ATP11B: variants seen among roughly 807,000 people sequenced by gnomAD.
ATP11B encodes phospholipid-transporting ATPase IF.
In ATP11B, 81 loss-of-function variants were observed where a neutral mutation model predicts 157.8. That is an observed-to-expected ratio of 0.51 (90% CI 0.43 to 0.62). The LOEUF (loss-of-function observed/expected upper bound fraction) is 0.62, where lower values mean the gene tolerates loss of function less well. Among genes scored for constraint, ATP11B ranks in the 20% least tolerant of loss-of-function variants. ATP11B has a pLI of 0.00. For missense variants in ATP11B, 1,165 were observed against 1,402.2 expected, an observed-to-expected ratio of 0.83 and a Z score of 2.70; for synonymous variants, 451 against 469.4, an observed-to-expected ratio of 0.96 and a Z score of 0.51.
Position 182,865,484 on chromosome 3 carries a change from G to A in ATP11B, c.1229G>A (p.Gly410Asp), listed in dbSNP as rs1174040484. The change falls in exon 13 of 30, where the codon GGT (glycine) becomes GAT (aspartate). Residue 410 changes from glycine to aspartate, a missense_variant. Physicochemically the swap from Gly to Asp is moderately conservative, Grantham distance 94. Around this residue, in one of 4 missense-constraint regions of ATP11B, gnomAD observed 737 missense variants for 930.5 expected, o/e 0.79. Transcript: ENST00000323116. ...QVEYVFTDKT[G>D]TLTENEMQFR... is the part of the protein sequence containing the mutation. ...GAGTACGTGTTTACAGATAAAACTG[G>A]TACACTGACAGAAAATGAGATGCAG... 6.2e-7 allele frequency: 1 copy of A among 1,613,356 alleles called. No homozygotes were observed. The highest frequency in any genetic ancestry group is 1.3e-5 in the African/African-American group (1 of 74,952).
intron 7 of ATP11B, among the ~76,000 whole-genome samples, chr3:182,840,192 G>A (rs1213961025): frequency 1.3e-5 from 2 of 152,124 alleles, no homozygotes; most frequent in African/African-American, 4.8e-5. Flanking sequence ...ATAGTTCATT[G>A]CTTTCTCCTC....
At chr3:182,818,223 A>T (rs1560061900) in intron 1 of ATP11B, among the ~76,000 whole-genome samples, 1 of 152,200 alleles carries the variant, frequency 6.6e-6, no homozygotes, top group Non-Finnish European at 1.5e-5. Flanking sequence ...AATGCTCCAG[A>T]TACCTGTTTA....
chr3:182,912,596 G>A (rs1242991882), intron 28 of ATP11B, among the ~76,000 whole-genome samples: 1 of 152,190 alleles, frequency 6.6e-6, no homozygotes, highest in African/African-American at 2.4e-5. Flanking sequence ...CTAGGACACT[G>A]TCATCAGGCA....
chr3:182,911,948 A>G (rs1355101443), intron 28 of ATP11B, among the ~76,000 whole-genome samples: 1 of 152,148 alleles, frequency 6.6e-6, no homozygotes, highest in African/African-American at 2.4e-5. Flanking sequence ...AGGCCCCGAC[A>G]CGTTGCCCAC....
intron 1 of ATP11B, among the ~76,000 whole-genome samples, chr3:182,804,721 C>CT (rs1430558023): frequency 1.3e-5 from 2 of 152,118 alleles, no homozygotes; most frequent in Non-Finnish European, 2.9e-5. Context: ...TCACCACACT[C>CT]TAATTTTAGG....
In ATP11B at chr3:182,859,318, G is replaced by T; in HGVS notation, c.1159G>T (p.Ala387Ser). 1 of 1,609,508 alleles carries T rather than the reference G, an allele frequency of 6.2e-7. No individual in the cohort carries two copies. ...GTATCATGAAGAATCAGATCAGAAA[G>T]CTCAAGTCAATACTTCCGATCTGAA... The part of the protein sequence containing the change: ...DLYHEESDQK[A>S]QVNTSDLNEE... Residue 387 changes from alanine to serine, a missense_variant, in exon 12 of 30, where the codon GCT becomes TCT. Transcript: ENST00000323116.
chr3:182,902,482 T>G (rs1724033621), intron 28 of ATP11B: 1 of 1,288,692 alleles, frequency 7.8e-7, no homozygotes, highest in Non-Finnish European at 1.0e-6. Context: ...CACTTATAGA[T>G]GTACTCCAAC....
At chr3:182,860,435 A>C (rs577785145) in intron 12 of ATP11B, among the ~76,000 whole-genome samples, 2 of 152,264 alleles carry the variant, frequency 1.3e-5, no homozygotes, top group East Asian at 1.9e-4. Context: ...CTCCTTATGC[A>C]ATAGTTCTGA....
chr3:182,837,551 A>G (rs1718650117), intron 7 of ATP11B, among the ~76,000 whole-genome samples: 1 of 152,072 alleles, frequency 6.6e-6, no homozygotes, highest in South Asian at 2.1e-4. Flanking sequence ...TTTTACCACT[A>G]TAGAGGATAC....
intron 1 of ATP11B, among the ~76,000 whole-genome samples, chr3:182,813,774 C>T (rs1716811174): frequency 6.6e-6 from 1 of 152,048 alleles, no homozygotes; most frequent in Admixed American, 6.6e-5. Context: ...GTTGCCCAGG[C>T]TGGAGTGCAG....
Position 182,907,832 on chromosome 3 carries a change from G to A in ATP11B, c.3319-6029G>A, listed in dbSNP as rs1490871556. Among the ~76,000 whole-genome samples, 2 of 152,126 alleles carry A rather than the reference G, an allele frequency of 1.3e-5. 1 individual carries two copies. Among genetic ancestry groups the A allele is most frequent in the South Asian group, 4.1e-4 (2 of 4,830 alleles). ...GGATATTTCATATGATGTGGATCTG[G>A]TACTGCTTTGCTTTAATATGTCCAT... On this transcript the variant is annotated intron_variant, in intron 28 of 29. Coordinates refer to ENST00000323116, the MANE Select transcript of ATP11B (RefSeq NM_014616.3).
chr3:182,846,193 T>G (rs1719507457), intron 9 of ATP11B, among the ~76,000 whole-genome samples: 1 of 152,200 alleles, frequency 6.6e-6, no homozygotes, highest in Non-Finnish European at 1.5e-5. Flanking sequence ...CCACTGGCTG[T>G]CTGCAGCTTG....
intron 4 of ATP11B, among the ~76,000 whole-genome samples, chr3:182,832,258 T>A (rs890530126): frequency 2.0e-5 from 3 of 152,190 alleles, no homozygotes; most frequent in Admixed American, 2.0e-4. Flanking sequence ...AGTATGATTA[T>A]TAAATATGAG....
chr3:182,820,803 G>C (rs1189035469), intron 2 of ATP11B, among the ~76,000 whole-genome samples: 1 of 152,074 alleles, frequency 6.6e-6, no homozygotes, highest in Non-Finnish European at 1.5e-5. Context: ...AACCAAAATG[G>C]TTAACTGTAG....
At chr3:182,799,181 ATCAAG>A (rs1261789265) in intron 1 of ATP11B, among the ~76,000 whole-genome samples, 1 of 152,220 alleles carries the variant, frequency 6.6e-6, no homozygotes, top group Admixed American at 6.5e-5. Context: ...GAAATAATTT[ATCAAG>A]TCAACATCGA....
At chr3:182,867,260 T>A (rs997786182) in intron 14 of ATP11B, 116 bp from the exon 15 acceptor site, 20 of 695,800 alleles carry the variant, frequency 2.9e-5, no homozygotes, top group Middle Eastern at 6.4e-4. Context: ...GAAATATTTT[T>A]AAATGCATTT....
chr3:182,800,640 G>C lies in ATP11B; in HGVS notation c.27+6854G>C, dbSNP rs1715939705. On this transcript the variant is annotated intron_variant, in intron 1 of 29. Transcript: ENST00000323116. Reference sequence around the variant, plus strand: ...CTGTTACTTCTCAGCACTTGGGAATGGCTCTGAGGGAACTGTTTGACTCTT... The same window carrying C: ...CTGTTACTTCTCAGCACTTGGGAATCGCTCTGAGGGAACTGTTTGACTCTT... Among the ~76,000 whole-genome samples, 2 of 152,140 alleles carry C rather than the reference G, an allele frequency of 1.3e-5. 1 individual carries two copies. Among genetic ancestry groups the C allele is most frequent in the South Asian group, 4.1e-4 (2 of 4,832 alleles).
Position 182,793,804 on chromosome 3 carries a change from TC to T in ATP11B, c.27+20del. The T allele has an allele frequency of 5.9e-6, 8 of 1,361,296 alleles. No homozygotes were observed. Among genetic ancestry groups the T allele is most frequent in the Non-Finnish European group, 7.6e-6 (8 of 1,048,564 alleles). The allele number at this position is 1,361,296 out of a possible 1,614,324, so 84.3% of individuals were successfully genotyped here. ...AGCAGCTGGTAGGTGCCCCCGCCCC[TC>T]CACCTCCATTCGTCCGCCCCCGCGG... On this transcript the variant is annotated intron_variant, in intron 1 of 29. Transcript: ENST00000323116.
intron 12 of ATP11B, among the ~76,000 whole-genome samples, 167 bp downstream of exon 12, chr3:182,859,526 G>A (rs1429595344): frequency 1.3e-5 from 2 of 151,772 alleles, no homozygotes; most frequent in Non-Finnish European, 2.9e-5. Context: ...TGTTTCTTTT[G>A]TTATTTACCA....
Sources: allele counts gnomAD v4.1 joint callset (sites outside exome capture counted in the v4.1 genomes callset), GRCh38; gene constraint gnomAD v4.1.1; regional missense constraint gnomAD v4.1.1; transcripts MANE v1.5; gene names NCBI Gene and HGNC (gene_info 2026-07-23, HGNC 2026-07-21).